ATXN7: variants seen among roughly 807,000 people sequenced by gnomAD.
The protein encoded by ATXN7 is ataxin 7.
Under a neutral mutation model 70.5 loss-of-function variants are expected in ATXN7, and 12 were observed. The ratio of observed to expected loss-of-function variants is 0.17; its 90% CI spans 0.11 to 0.28. The LOEUF (loss-of-function observed/expected upper bound fraction) is 0.28, where lower values mean the gene tolerates loss of function less well. Ranked by LOEUF, ATXN7 falls within the 10% of genes least tolerant of loss-of-function variation. The pLI, the probability that ATXN7 is intolerant of heterozygous loss-of-function variation, is 1.00. For synonymous variants in ATXN7, 498 were observed against 448.7 expected, an observed-to-expected ratio of 1.11 and a Z score of -1.39; for missense variants, 1,256 against 1,131.7, an observed-to-expected ratio of 1.11 and a Z score of -1.58.
intron 5 of ATXN7, among the ~76,000 whole-genome samples, chr3:63,966,030 T>G (rs2075216762): frequency 6.6e-6 from 1 of 152,220 alleles, no homozygotes; most frequent in Non-Finnish European, 1.5e-5. Context: ...CCTGGTTTTT[T>G]ACAGGGTTGC....
chr3:63,917,619 T>G (rs1464535991), intron 4 of ATXN7, among the ~76,000 whole-genome samples: 2 of 152,198 alleles, frequency 1.3e-5, no homozygotes, highest in East Asian at 3.9e-4. Context: ...TACTCTGTAC[T>G]TTTTCTTTCT....
At chr3:63,901,588 C>CT (rs1703643638) in intron 2 of ATXN7, 2 of 151,930 alleles carry the variant, frequency 1.3e-5, no homozygotes, top group African/African-American at 4.8e-5. Flanking sequence ...CAGGAGTTCT[C>CT]TTTAAAAAAA....
chr3:63,986,542 C>T (rs563628966), intron 8 of ATXN7, among the ~76,000 whole-genome samples: 1 of 152,130 alleles, frequency 6.6e-6, no homozygotes, highest in Non-Finnish European at 1.5e-5. Context: ...TTTCAACACA[C>T]GTTGGAGGGC....
At chr3:63,990,914 CTT>C (rs2075661679) in intron 11 of ATXN7, 55 bp downstream of exon 11, 5 of 1,607,290 alleles carry the variant, frequency 3.1e-6, no homozygotes, top group African/African-American at 2.7e-5. Flanking sequence ...GCTGCATTGT[CTT>C]TTATTTCCTG....
At chr3:63,958,866 C>A (rs1247153453) in intron 5 of ATXN7, among the ~76,000 whole-genome samples, 1 of 152,116 alleles carries the variant, frequency 6.6e-6, no homozygotes, top group East Asian at 1.9e-4. Flanking sequence ...ACCAACCAGA[C>A]CATCTTTTCT....
chr3:63,947,998 C>T (rs2074891366), intron 4 of ATXN7, among the ~76,000 whole-genome samples: 1 of 152,036 alleles, frequency 6.6e-6, no homozygotes, highest in Non-Finnish European at 1.5e-5. Context: ...GAGTTCTATT[C>T]CAAGAGGAGT....
rs774236169 is a variant in ATXN7, at chr3:63,988,156, T to G, written c.1193T>G (p.Leu398Trp). ...AAAAACAAAACCAGGGAAAAGGAAT[T>G]GATTCGCCATCCGGACTCTCAGCAA... ...EHKNKTREKE[L>W]IRHPDSQQPP... The change falls in exon 9 of 13, where the codon TTG (leucine) becomes TGG (tryptophan). Residue 398 changes from leucine (L) to tryptophan (W), a missense_variant. Coordinates refer to ENST00000674280, the MANE Select transcript of ATXN7 (RefSeq NM_001377405.1). 3 of 1,614,078 alleles carry G rather than the reference T, an allele frequency of 1.9e-6. No individual in the cohort carries two copies. The highest frequency in any genetic ancestry group is 2.5e-6 in the Non-Finnish European group (3 of 1,180,010).
intron 2 of ATXN7, among the ~76,000 whole-genome samples, chr3:63,908,421 C>G (rs1703911602): frequency 6.6e-6 from 1 of 152,132 alleles, no homozygotes; most frequent in Admixed American, 6.5e-5. Flanking sequence ...AAGGCTCAGC[C>G]AATTTTAGGA....
rs776932346 is a variant in ATXN7, at chr3:63,995,891, C to G, written c.2069C>G (p.Thr690Ser). The G allele has an allele frequency of 1.9e-6, 3 of 1,614,244 alleles. No individual in the cohort carries two copies. In the Admixed American group the frequency reaches 5.0e-5, roughly 27 times the overall value. Reference protein sequence around the residue: ...LRPKESSGNSTNCQNASSSTS... With the variant: ...LRPKESSGNSSNCQNASSSTS... ...CCCAAGGAGTCTTCTGGTAACAGCA[C>G]TAACTGTCAAAATGCCAGTAGCAGT... Residue 690 changes from threonine to serine, a missense_variant, in exon 12 of 13, where the codon ACT becomes AGT. Transcript: ENST00000674280.
upstream of ATXN7, chr3:63,863,392 G>A (rs1382874665): frequency 5.9e-6 from 6 of 1,018,686 alleles, no homozygotes; most frequent in Non-Finnish European, 7.1e-6. Context: ...GGTCCTCACC[G>A]CGCCCCTAGA....
In ATXN7 at chr3:63,996,214, A is replaced by C; in HGVS notation, c.2392A>C (p.Ser798Arg). Residue 798 changes from serine (S) to arginine (R), a missense_variant, in exon 12 of 13, where the codon AGT becomes CGT. Ser to Arg is a moderately radical substitution (Grantham distance 110). Transcript: ENST00000674280. ...IKRMSVMVNS[S>R]DSTLSLGPFI... ...GAGGATGAGTGTGATGGTGAACAGC[A>C]GTGATTCTACTCTTTCTCTTGGGCC... 6.2e-7 allele frequency: 1 copy of C among 1,614,194 alleles called. No individual in the cohort carries two copies.
chr3:63,948,673 G>C (rs752435620), intron 4 of ATXN7, among the ~76,000 whole-genome samples: 1 of 152,152 alleles, frequency 6.6e-6, no homozygotes, highest in Admixed American at 6.5e-5. Context: ...CTAGCAGAGG[G>C]ACTTCATTCT....
intron 8 of ATXN7, among the ~76,000 whole-genome samples, chr3:63,986,884 A>G (rs1327926900): frequency 2.0e-5 from 3 of 152,336 alleles, no homozygotes; most frequent in East Asian, 1.9e-4. Context: ...GTGTAGGGGC[A>G]TGCACACACA....
intron 8 of ATXN7, among the ~76,000 whole-genome samples, chr3:63,986,342 T>C (rs2075577875): frequency 6.6e-6 from 1 of 152,186 alleles, no homozygotes; most frequent in Non-Finnish European, 1.5e-5. Context: ...GATTTCTGTT[T>C]GGAATGTTCT....
intron 6 of ATXN7, chr3:63,980,698 G>C (rs534510483): frequency 6.5e-6 from 1 of 154,760 alleles, no homozygotes; most frequent in Non-Finnish European, 1.4e-5. Flanking sequence ...ATAGTGTCTG[G>C]CCATAGGGGA....
intron 8 of ATXN7, among the ~76,000 whole-genome samples, chr3:63,983,385 G>A (rs921497163): frequency 2.0e-5 from 3 of 151,994 alleles, no homozygotes; most frequent in Non-Finnish European, 2.9e-5. Context: ...TTTCCCTTGC[G>A]TGTGTATGAA....
Position 63,995,711 on chromosome 3 carries a change from C to T in ATXN7, c.1889C>T (p.Ala630Val). The T allele has an allele frequency of 6.2e-7, 1 of 1,614,254 alleles. No individual in the cohort carries two copies. The part of the protein sequence containing the change: ...AHGTTLNAQP[A>V]ASGAMDPVCS... Reference sequence around the variant, plus strand: ...GGAACCACACTAAATGCACAGCCTGCTGCTTCAGGGGCGATGGATCCTGTG... The same window carrying T: ...GGAACCACACTAAATGCACAGCCTGTTGCTTCAGGGGCGATGGATCCTGTG... Residue 630 changes from alanine to valine, a missense_variant, in exon 12 of 13, where the codon GCT becomes GTT. By Grantham distance (64) the Ala-to-Val change is moderately conservative. Transcript: ENST00000674280.
chr3:63,993,945 A>G (rs1456582842), intron 11 of ATXN7, among the ~76,000 whole-genome samples: 2 of 152,282 alleles, frequency 1.3e-5, no homozygotes, highest in Admixed American at 1.3e-4. Context: ...CCAGGAACTC[A>G]GTTTTCCTAA....
intron 5 of ATXN7, among the ~76,000 whole-genome samples, chr3:63,972,411 A>T (rs2075326640): frequency 6.6e-6 from 1 of 152,186 alleles, no homozygotes; most frequent in Non-Finnish European, 1.5e-5. Context: ...ATGCATTGGT[A>T]TTTCTCATAA....
Sources: allele counts gnomAD v4.1 joint callset (sites outside exome capture counted in the v4.1 genomes callset), GRCh38; gene constraint gnomAD v4.1.1; transcripts MANE v1.5; gene names NCBI Gene and HGNC (gene_info 2026-07-23, HGNC 2026-07-21).